The following EXOC3L4 variants were observed in gnomAD, a reference collection of about 807,000 sequenced individuals.
EXOC3L4 encodes exocyst complex component 3-like protein 4.
EXOC3L4 carries 62 observed loss-of-function variants against 69.7 expected under a neutral mutation model. The observed-to-expected ratio is 0.89, with a 90% CI of 0.72 to 1.10. The LOEUF (loss-of-function observed/expected upper bound fraction) is 1.10. Ranked by LOEUF, EXOC3L4 falls within the 50% of genes least tolerant of loss-of-function variation. The pLI is 0.00. For missense variants in EXOC3L4, 1,087 were observed against 1,034.8 expected (o/e 1.05, Z -0.69); for synonymous variants, 502 against 464.2 (o/e 1.08, Z -1.05).
intron 3 of EXOC3L4, chr14:103,103,587 C>A: frequency 4.7e-6 from 1 of 212,942 alleles, no homozygotes; most frequent in South Asian, 9.0e-5. Flanking sequence ...TTAAATTGCT[C>A]CTTAAATTGT....
At chr14:103,099,908 G>A (rs973247634) in intron 1 of EXOC3L4, among the ~76,000 whole-genome samples, 10 of 152,232 alleles carry the variant, frequency 6.6e-5, no homozygotes, top group Non-Finnish European at 1.5e-4. Context: ...TCTAATGGGA[G>A]GGTCTGGCCT....
Position 103,110,077 on chromosome 14 carries a change from C to G in EXOC3L4, c.2023C>G (p.Gln675Glu), listed in dbSNP as rs553211324. 1.2e-6 allele frequency: 2 copies of G among 1,600,570 alleles called. No individual in the cohort carries two copies. Among genetic ancestry groups the G allele is most frequent in the African/African-American group, 1.3e-5 (1 of 74,836 alleles). The change falls in exon 12 of 12, where the codon CAG (glutamine) becomes GAG (glutamate). Residue 675 changes from glutamine to glutamate, a missense_variant. Transcript: ENST00000688303. ...AILALRRLGR[Q>E]RNQHLLQHTQ... The stretch of plus-strand genomic sequence containing the variant: ...TCTGGCGCTGCGCCGACTGGGCCGC[C>G]AGCGGAACCAGCATCTCTTGCAGCA...
rs56245014 is a variant in EXOC3L4 at position 103,104,071 on chromosome 14, G to T, written c.1161+19G>T. On this transcript the variant is annotated intron_variant, in intron 4 of 11. Coordinates refer to ENST00000688303, the MANE Select transcript of EXOC3L4 (RefSeq NM_001077594.2). ...CCTGGAGGTCAGGCCGGGCGGGTCA[G>T]GCTGGGCGGGCCAGGCTGGAGGGGG... 1.3e-6 allele frequency: 2 copies of T among 1,534,606 alleles called. No homozygotes were observed. The highest frequency in any genetic ancestry group is 4.9e-5 in the East Asian group (2 of 40,664).
chr14:103,106,075 G>A (rs1197842381), intron 7 of EXOC3L4, among the ~76,000 whole-genome samples: 1 of 152,214 alleles, frequency 6.6e-6, no homozygotes, highest in African/African-American at 2.4e-5. Flanking sequence ...CTTTGTGGGT[G>A]CCTTCCCTGC....
At chr14:103,104,603 G>C in intron 5 of EXOC3L4, 135 bp from the exon 6 acceptor site, 1 of 1,228,600 alleles carries the variant, frequency 8.1e-7, no homozygotes, top group Admixed American at 3.3e-5. Flanking sequence ...TCTCCAGTTG[G>C]GCGGCTGAAA....
chr14:103,102,297 G>T lies in EXOC3L4; in HGVS notation c.574G>T (p.Glu192Ter), dbSNP rs370648114. 128 of 1,573,832 alleles carry T rather than the reference G, an allele frequency of 8.1e-5. No individual in the cohort carries two copies. The highest frequency in any genetic ancestry group is 1.1e-4 in the Non-Finnish European group (123 of 1,165,354). ...CCTGCTTTACGACGGGCTGGCAGCC[G>T]AGATCGGCGCCATCGTGCGCGAGAC... ...VCLLYDGLAA[E>*]IGAIVRETLD... The change falls in exon 3 of 12, where the codon GAG becomes TAG. Residue 192 changes from glutamate (E) to a stop codon, truncating the protein, a stop_gained. Coordinates refer to ENST00000688303, the MANE Select transcript of EXOC3L4 (RefSeq NM_001077594.2). LOFTEE classifies it high-confidence loss of function.
chr14:103,108,911 G>A (rs906432782), intron 11 of EXOC3L4, among the ~76,000 whole-genome samples: 9 of 152,030 alleles, frequency 5.9e-5, no homozygotes, highest in Non-Finnish European at 8.8e-5. Flanking sequence ...ATCCCAGCTC[G>A]AATCTCTCCA....
At chr14:103,096,717 T>TCC (rs1420363110) in intron 1 of EXOC3L4, among the ~76,000 whole-genome samples, 1 of 152,196 alleles carries the variant, frequency 6.6e-6, no homozygotes, top group African/African-American at 2.4e-5. Context: ...GACTAGGAAA[T>TCC]CCAGCTAGTT....
Position 103,108,421 on chromosome 14 carries a change from A to C in EXOC3L4, c.1880A>C (p.Gln627Pro), listed in dbSNP as rs553500199. 3.1e-6 allele frequency: 5 copies of C among 1,613,928 alleles called. No homozygotes were observed. Among genetic ancestry groups the C allele is most frequent in the Non-Finnish European group, 4.2e-6 (5 of 1,179,874 alleles). The change falls in exon 11 of 12, where the codon CAA becomes CCA. Residue 627 changes from glutamine to proline, a missense_variant. Gln to Pro is a moderately conservative substitution (Grantham distance 76). Transcript: ENST00000688303. The stretch of plus-strand genomic sequence containing the variant: ...GGTTCCGAGGCCACATGGTTGGACC[A>C]AGCCATCCAGTGCGTGGCTGAGATC... ...GLGSEATWLD[Q>P]AIQCVAEILG...
At position 103,102,760 on chromosome 14, in the gene EXOC3L4, A is replaced by G. The variant is rs1890281681; in HGVS notation, c.1037A>G (p.Asn346Ser). The G allele has an allele frequency of 1.5e-6, 2 of 1,363,414 alleles. No homozygotes were observed. The highest frequency in any genetic ancestry group is 3.0e-5 in the African/African-American group (2 of 65,678). The allele number at this position is 1,363,414 out of a possible 1,614,324, so 84.5% of individuals were successfully genotyped here. A position where few individuals can be genotyped will look rare whatever the true frequency, so the allele number is the denominator to read the frequency against. ...TATATCCTGCTGGACTGGGCCGCCA[A>G]CGTCTACGGCAGGTGAGTCTCGGCC... ...QLYILLDWAANVYGSPDFLGA... is the reference protein window; with the variant it reads ...QLYILLDWAASVYGSPDFLGA... The change falls in exon 3 of 12, where the codon AAC becomes AGC. Residue 346 changes from asparagine (N) to serine (S), a missense_variant. Coordinates refer to ENST00000688303, the MANE Select transcript of EXOC3L4 (RefSeq NM_001077594.2).
Position 103,102,300 on chromosome 14 carries a change from A to G in EXOC3L4, c.577A>G (p.Ile193Val), listed in dbSNP as rs1459518538. ...CLLYDGLAAEIGAIVRETLDS... is the reference protein window; with the variant it reads ...CLLYDGLAAEVGAIVRETLDS... ...GCTTTACGACGGGCTGGCAGCCGAG[A>G]TCGGCGCCATCGTGCGCGAGACGCT... Residue 193 changes from isoleucine to valine, a missense_variant, in exon 3 of 12, where the codon ATC becomes GTC. Physicochemically the swap from Ile to Val is conservative, Grantham distance 29. Transcript: ENST00000688303. 6.4e-7 allele frequency: 1 copy of G among 1,571,130 alleles called. No homozygotes were observed. The highest frequency in any genetic ancestry group is 8.6e-7 in the Non-Finnish European group (1 of 1,164,220).
chr14:103,109,710 T>C (rs553726701), intron 11 of EXOC3L4, among the ~76,000 whole-genome samples: 60 of 122,522 alleles, frequency 4.9e-4, no homozygotes, highest in Non-Finnish European at 1.0e-3. Flanking sequence ...CTCCACCCTG[T>C]CCCTGGGTCT....
At chr14:103,106,090 C>T (rs1251493816) in intron 7 of EXOC3L4, among the ~76,000 whole-genome samples, 1 of 152,240 alleles carries the variant, frequency 6.6e-6, no homozygotes, top group East Asian at 1.9e-4. Context: ...CCCTGCCTGA[C>T]ACGTCTCATC....
intron 7 of EXOC3L4, among the ~76,000 whole-genome samples, chr14:103,106,402 G>C (rs999919252): frequency 3.3e-5 from 5 of 152,222 alleles, no homozygotes; most frequent in Non-Finnish European, 7.3e-5. Flanking sequence ...CCCTGGCTGC[G>C]GGGACTGCGT....
chr14:103,108,283 A>G, intron 10 of EXOC3L4, 113 bp from the exon 11 acceptor site: 5 of 1,471,940 alleles, frequency 3.4e-6, no homozygotes, highest in Middle Eastern at 2.4e-4. Flanking sequence ...GAGTGACTAC[A>G]GGAGGGCTGA....
At chr14:103,106,748 C>T (rs548895774) in intron 7 of EXOC3L4, 37 bp from the exon 8 acceptor site, 2 of 1,401,834 alleles carry the variant, frequency 1.4e-6, no homozygotes, top group Non-Finnish European at 2.0e-6. Flanking sequence ...CCTGGTCTCC[C>T]TTGCCCACCT....
At chr14:103,095,193 G>T (rs2139455072) in intron 1 of EXOC3L4, among the ~76,000 whole-genome samples, 1 of 152,338 alleles carries the variant, frequency 6.6e-6, no homozygotes, top group East Asian at 1.9e-4. Flanking sequence ...CCGACGCCCA[G>T]AAAAGTGTGT....
At position 103,102,677 on chromosome 14, in the gene EXOC3L4, C is replaced by A. The variant is rs759209408; in HGVS notation, c.954C>A (p.Ser318Arg). 1.3e-6 allele frequency: 2 copies of A among 1,489,192 alleles called. No individual in the cohort carries two copies. The allele number at this position is 1,489,192 out of a possible 1,614,324, so 92.2% of individuals were successfully genotyped here. Reference protein sequence around the residue: ...AWEVYLRAFHSAVAQRLQELA... With the variant: ...AWEVYLRAFHRAVAQRLQELA... Reference sequence around the variant, plus strand: ...AGGTCTATCTGCGTGCCTTCCACAGCGCCGTGGCCCAGCGCCTCCAGGAGC... The same window carrying A: ...AGGTCTATCTGCGTGCCTTCCACAGAGCCGTGGCCCAGCGCCTCCAGGAGC... The change falls in exon 3 of 12, where the codon AGC (serine) becomes AGA (arginine). Residue 318 changes from serine to arginine, a missense_variant. Coordinates refer to ENST00000688303, the MANE Select transcript of EXOC3L4 (RefSeq NM_001077594.2).
At chr14:103,107,297 C>T in intron 8 of EXOC3L4, 127 bp from the exon 9 acceptor site, 1 of 1,415,960 alleles carries the variant, frequency 7.1e-7, no homozygotes. Context: ...TAACCTGTGG[C>T]TAGGAGAGGG....
Sources: allele counts gnomAD v4.1 joint callset (sites outside exome capture counted in the v4.1 genomes callset), GRCh38; gene constraint gnomAD v4.1.1; transcripts MANE v1.5; gene names NCBI Gene and HGNC (gene_info 2026-07-23, HGNC 2026-07-21).